Variants in FNDC3B observed in about 807,000 individuals in gnomAD.
FNDC3B encodes fibronectin type III domain-containing protein 3B.
Under a neutral mutation model 151.5 loss-of-function variants are expected in FNDC3B, and 12 were observed. The ratio of observed to expected loss-of-function variants is 0.08; its 90% CI spans 0.05 to 0.13. The LOEUF (loss-of-function observed/expected upper bound fraction) is 0.13, where lower values mean the gene tolerates loss of function less well. FNDC3B is among the 10% of genes least tolerant of loss of function. FNDC3B has a pLI of 1.00. For synonymous variants in FNDC3B, 528 were observed against 549.0 expected, an observed-to-expected ratio of 0.96 and a Z score of 0.54; for missense variants, 1,214 against 1,505.3, an observed-to-expected ratio of 0.81 and a Z score of 3.20.
chr3:172,135,509 G>A (rs1721314490), intron 3 of FNDC3B, among the ~76,000 whole-genome samples: 1 of 152,106 alleles, frequency 6.6e-6, no homozygotes, highest in African/African-American at 2.4e-5. Flanking sequence ...CAGAATTGTG[G>A]AGCCATTATC....
intron 6 of FNDC3B, among the ~76,000 whole-genome samples, chr3:172,267,008 A>G (rs981564960): frequency 1.3e-5 from 2 of 152,128 alleles, no homozygotes; most frequent in Non-Finnish European, 1.5e-5. Flanking sequence ...ACTATCCGCT[A>G]TATGCTTTTT....
chr3:172,187,120 G>A (rs1046101285), intron 3 of FNDC3B: 2 of 194,456 alleles, frequency 1.0e-5, no homozygotes, highest in Admixed American at 5.8e-5. Context: ...GGAAACACTG[G>A]GTTGACTTCT....
chr3:172,210,217 A>C, intron 3 of FNDC3B, among the ~76,000 whole-genome samples: 2 of 150,956 alleles, frequency 1.3e-5, no homozygotes, highest in African/African-American at 4.9e-5. Context: ...GCCGCCCCCC[A>C]CTCCTCCATG....
chr3:172,186,267 A>T (rs1439932466), intron 3 of FNDC3B, among the ~76,000 whole-genome samples: 1 of 152,162 alleles, frequency 6.6e-6, no homozygotes, highest in Non-Finnish European at 1.5e-5. Flanking sequence ...ATCACTGTTG[A>T]TGTCTAAATA....
chr3:172,247,927 G>T, intron 5 of FNDC3B, 151 bp downstream of exon 5: 1 of 820,168 alleles, frequency 1.2e-6, no homozygotes, highest in Non-Finnish European at 1.9e-6. Context: ...AGCTTCCTTT[G>T]TCCTGAATGG....
intron 9 of FNDC3B, among the ~76,000 whole-genome samples, chr3:172,304,517 G>A (rs896487089): frequency 1.3e-5 from 2 of 152,216 alleles, no homozygotes; most frequent in African/African-American, 4.8e-5. Context: ...AGGAATGATG[G>A]GGACTCTAGC....
At chr3:172,060,627 C>T (rs1576826524) in intron 1 of FNDC3B, among the ~76,000 whole-genome samples, 2 of 152,296 alleles carry the variant, frequency 1.3e-5, no homozygotes, top group South Asian at 2.1e-4. Context: ...AGGGAGATGT[C>T]TAATTCCTCT....
chr3:172,365,121 C>T (rs1734549630), intron 23 of FNDC3B, among the ~76,000 whole-genome samples: 1 of 152,102 alleles, frequency 6.6e-6, no homozygotes, highest in Non-Finnish European at 1.5e-5. Context: ...ACATGGGTAT[C>T]AAGGAGAAAC....
chr3:172,118,944 G>GGCTGATACATA lies in FNDC3B; in HGVS notation c.111+6355_111+6356insCTGATACATAG, dbSNP rs557097306. Among the ~76,000 whole-genome samples, 63 of 151,460 alleles carry GGCTGATACATA rather than the reference G, an allele frequency of 4.2e-4. 1 individual carries two copies. The South Asian group carries it at 0.013, about 31-fold the overall frequency. ...AGCACTTTGGGAGGCTGAGGCGGGCGGATCACGAGGTCAGGAGATCAAGAC... is the reference window on the plus strand; with the variant it reads ...AGCACTTTGGGAGGCTGAGGCGGGCGGCTGATACATAGATCACGAGGTCAGGAGATCAAGAC... On this transcript the variant is annotated intron_variant, in intron 2 of 25. Coordinates refer to ENST00000415807, the MANE Select transcript of FNDC3B (RefSeq NM_022763.4).
At chr3:172,334,349 C>A (rs551972444) in intron 14 of FNDC3B, among the ~76,000 whole-genome samples, 1 of 133,508 alleles carries the variant, frequency 7.5e-6, no homozygotes, top group African/African-American at 2.7e-5. Context: ...TTTCCTTTCA[C>A]AAAACAATAC....
chr3:172,218,524 CTG>C (rs1726111345), intron 3 of FNDC3B, among the ~76,000 whole-genome samples: 1 of 152,120 alleles, frequency 6.6e-6, no homozygotes, highest in Non-Finnish European at 1.5e-5. Flanking sequence ...AATGATAACA[CTG>C]TGTGAACCTC....
At chr3:172,160,019 G>T (rs146529497) in intron 3 of FNDC3B, among the ~76,000 whole-genome samples, 3 of 152,304 alleles carry the variant, frequency 2.0e-5, no homozygotes, top group African/African-American at 7.2e-5. Flanking sequence ...CTGGGAAGGT[G>T]GGGGAGGCCG....
At chr3:172,311,331 C>T (rs1228777501) in intron 11 of FNDC3B, among the ~76,000 whole-genome samples, 1 of 152,140 alleles carries the variant, frequency 6.6e-6, no homozygotes, top group African/African-American at 2.4e-5. Flanking sequence ...GAGAGCAGAG[C>T]AGTACATAGA....
intron 3 of FNDC3B, among the ~76,000 whole-genome samples, chr3:172,146,603 A>T (rs1324013730): frequency 6.6e-6 from 1 of 152,132 alleles, no homozygotes; most frequent in Non-Finnish European, 1.5e-5. Flanking sequence ...CAGCTCAAGA[A>T]ATTCTTGCAC....
intron 6 of FNDC3B, among the ~76,000 whole-genome samples, chr3:172,264,339 A>G (rs1728809791): frequency 6.6e-6 from 1 of 152,148 alleles, no homozygotes; most frequent in Non-Finnish European, 1.5e-5. Context: ...AGCAGGTTCT[A>G]TGGCCCTGCT....
chr3:172,276,905 C>T (rs1162398339), intron 6 of FNDC3B, among the ~76,000 whole-genome samples: 2 of 152,008 alleles, frequency 1.3e-5, no homozygotes, highest in South Asian at 2.1e-4. Context: ...ACTTGGTCCT[C>T]GATTGGATCC....
At chr3:172,226,059 G>A (rs569147035) in intron 3 of FNDC3B, among the ~76,000 whole-genome samples, 75 of 152,208 alleles carry the variant, frequency 4.9e-4, no homozygotes, top group African/African-American at 1.7e-3. Flanking sequence ...TGTAATCCCA[G>A]CACTTTGGGA....
At chr3:172,334,031 T>C (rs1732823447) in intron 14 of FNDC3B, among the ~76,000 whole-genome samples, 1 of 152,186 alleles carries the variant, frequency 6.6e-6, no homozygotes, top group Non-Finnish European at 1.5e-5. Flanking sequence ...CACTGTATTT[T>C]CTAGTATGAC....
Position 172,401,584 on chromosome 3 carries a change from C to T in FNDC3B, c.*4109C>T, listed in dbSNP as rs1483333623. On this transcript the variant is annotated 3_prime_UTR_variant, in exon 26 of 26. Coordinates refer to ENST00000415807, the MANE Select transcript of FNDC3B (RefSeq NM_022763.4). ...GGTGCTTCCTCTCCCCTGACGAACT[C>T]TATAGAGTGTTCATGTCCTTTCCTG... 6.6e-6 allele frequency: 1 copy of T among 152,274 alleles called. No individual in the cohort carries two copies. Among genetic ancestry groups the T allele is most frequent in the Non-Finnish European group, 1.5e-5 (1 of 68,110 alleles). 9.4% of individuals were successfully genotyped at this position (152,274 alleles called of 1,614,324 possible). A position where few individuals can be genotyped will look rare whatever the true frequency, so the allele number is the denominator to read the frequency against.
Sources: allele counts gnomAD v4.1 joint callset (sites outside exome capture counted in the v4.1 genomes callset), GRCh38; gene constraint gnomAD v4.1.1; transcripts MANE v1.5; gene names NCBI Gene and HGNC (gene_info 2026-07-23, HGNC 2026-07-21).